NEMF: variants seen among roughly 807,000 people sequenced by gnomAD.
The protein encoded by NEMF is ribosome quality control complex subunit NEMF.
NEMF carries 89 observed loss-of-function variants against 162.2 expected under a neutral mutation model. That is an observed-to-expected ratio of 0.55 (90% CI 0.46 to 0.65). The LOEUF (loss-of-function observed/expected upper bound fraction) is 0.65, where lower values mean the gene tolerates loss of function less well. Ranked by LOEUF, NEMF falls within the 30% of genes least tolerant of loss-of-function variation. The pLI is 0.00. For synonymous variants in NEMF, 421 were observed against 404.5 expected (o/e 1.04, Z -0.49); for missense variants, 1,133 against 1,261.9 (o/e 0.90, Z 1.55).
chr14:49,845,420 G>A (rs146325675), intron 4 of NEMF, among the ~76,000 whole-genome samples: 3 of 152,202 alleles, frequency 2.0e-5, no homozygotes, highest in East Asian at 3.9e-4. Context: ...GAGTCATTGC[G>A]CTCAGCCAAA....
At chr14:49,845,381 T>C (rs1893449139) in intron 4 of NEMF, among the ~76,000 whole-genome samples, 1 of 152,218 alleles carries the variant, frequency 6.6e-6, no homozygotes, top group Admixed American at 6.5e-5. Flanking sequence ...AATGCTAGGA[T>C]TACAGGTGTG....
intron 4 of NEMF, among the ~76,000 whole-genome samples, chr14:49,844,023 C>T (rs933906254): frequency 1.3e-5 from 2 of 150,924 alleles, no homozygotes; most frequent in African/African-American, 2.4e-5. Flanking sequence ...TGCTTGAACC[C>T]GGGAGGCAGA....
In NEMF at chr14:49,852,757, G is replaced by T. The variant is rs1850539625; in HGVS notation, c.-4C>A. On this transcript the variant is annotated 5_prime_UTR_variant, in exon 1 of 33. Coordinates refer to ENST00000298310, the MANE Select transcript of NEMF (RefSeq NM_004713.6). ...TGGTGCTAAAGCGGCTCTTCATGGC[G>T]AGGCCCGAGGGTCACTACCGCAAGT... 1 of 1,614,182 alleles carries T rather than the reference G, an allele frequency of 6.2e-7. No homozygotes were observed. Among genetic ancestry groups the T allele is most frequent in the Non-Finnish European group, 8.5e-7 (1 of 1,180,022 alleles).
chr14:49,802,174 T>C (rs753469481), intron 22 of NEMF, among the ~76,000 whole-genome samples: 7 of 151,918 alleles, frequency 4.6e-5, no homozygotes, highest in South Asian at 4.2e-4. Flanking sequence ...CTCAAACTCC[T>C]GAGCTCTAGC....
At chr14:49,830,144 G>C (rs1892566784) in intron 11 of NEMF, among the ~76,000 whole-genome samples, 1 of 152,122 alleles carries the variant, frequency 6.6e-6, no homozygotes, top group Non-Finnish European at 1.5e-5. Context: ...TTAAATGCTA[G>C]ATGAAATATT....
chr14:49,851,736 G>A, intron 2 of NEMF, 71 bp from the exon 3 acceptor site: 1 of 1,473,706 alleles, frequency 6.8e-7, no homozygotes, highest in Non-Finnish European at 9.4e-7. Context: ...GGCTTAAAAT[G>A]TAGGTTAAAA....
chr14:49,824,673 C>G (rs1253977600), intron 16 of NEMF, among the ~76,000 whole-genome samples: 4 of 151,982 alleles, frequency 2.6e-5, no homozygotes, highest in African/African-American at 9.7e-5. Flanking sequence ...AAGAGGTCCA[C>G]CCACCTCACC....
At chr14:49,833,864 C>A (rs1321966585) in intron 7 of NEMF, among the ~76,000 whole-genome samples, 1 of 152,182 alleles carries the variant, frequency 6.6e-6, no homozygotes, top group Non-Finnish European at 1.5e-5. Flanking sequence ...AAGGGTTACA[C>A]AGACAGTAAT....
intron 5 of NEMF, 117 bp from the exon 6 acceptor site, chr14:49,838,323 G>GT: frequency 1.3e-6 from 1 of 751,016 alleles, no homozygotes; most frequent in Non-Finnish European, 2.2e-6. Flanking sequence ...AATCTGAAAC[G>GT]TAACAGGAAT....
At chr14:49,793,845 G>GT (rs1323414485) in intron 26 of NEMF, among the ~76,000 whole-genome samples, 1 of 151,638 alleles carries the variant, frequency 6.6e-6, no homozygotes, top group African/African-American at 2.4e-5. Context: ...TGACAATGTA[G>GT]TATCTATTAA....
chr14:49,798,006 G>A lies in NEMF; in HGVS notation c.2465+1469C>T, dbSNP rs1890771375. 3.9e-5 allele frequency among the ~76,000 whole-genome samples: 6 copies of A among 152,174 alleles called. No individual in the cohort carries two copies. In the South Asian group the frequency reaches 1.2e-3, roughly 32 times the overall value. On this transcript the variant is annotated intron_variant, in intron 25 of 32. Transcript: ENST00000298310. ...TGGTGTGTGTAAATTATCCCAGCAT[G>A]AATGAGTGCAGGTATGTGTGCCCTG...
At chr14:49,791,498 G>T (rs1293087592) in intron 26 of NEMF, among the ~76,000 whole-genome samples, 1 of 151,844 alleles carries the variant, frequency 6.6e-6, no homozygotes, top group Admixed American at 6.6e-5. Context: ...CAGCACTTTG[G>T]GAGGCCGAGG....
intron 18 of NEMF, among the ~76,000 whole-genome samples, chr14:49,810,297 G>A (rs564405284): frequency 6.6e-6 from 1 of 151,486 alleles, no homozygotes; most frequent in Non-Finnish European, 1.5e-5. Context: ...GAACCCAGGA[G>A]GCAGAGCTTG....
intron 11 of NEMF, 67 bp downstream of exon 11, chr14:49,831,232 C>G: frequency 1.2e-6 from 1 of 843,500 alleles, no homozygotes; most frequent in Non-Finnish European, 2.0e-6. Context: ...CTACCCTTTC[C>G]TATATCATCT....
chr14:49,807,888 G>C lies in NEMF; in HGVS notation c.1745-1755C>G, dbSNP rs182571170. ...CAAAGTGCTGGGATTACATGCATGA[G>C]CCACAGCGCCTGACTGGTATCTTGT... On this transcript the variant is annotated intron_variant, in intron 18 of 32. Transcript: ENST00000298310. Among the ~76,000 whole-genome samples, 343 of 152,134 alleles carry C rather than the reference G, an allele frequency of 2.3e-3. 4 individuals are homozygous for C. The highest frequency in any genetic ancestry group is 7.8e-3 in the African/African-American group (322 of 41,500).
chr14:49,813,788 G>A (rs1015728567), intron 18 of NEMF, among the ~76,000 whole-genome samples, 200 bp downstream of exon 18: 2 of 151,816 alleles, frequency 1.3e-5, no homozygotes, highest in African/African-American at 4.8e-5. Context: ...AATTTTTCTA[G>A]AGATGAGGTT....
chr14:49,826,690 A>T (rs905233549), intron 15 of NEMF, among the ~76,000 whole-genome samples: 1 of 152,192 alleles, frequency 6.6e-6, no homozygotes, highest in Admixed American at 6.6e-5. Flanking sequence ...TGTGCCAGGC[A>T]ATATTCCAGG....
chr14:49,798,055 G>C lies in NEMF; in HGVS notation c.2465+1420C>G, dbSNP rs529302867. Among the ~76,000 whole-genome samples, 3 of 152,324 alleles carry C rather than the reference G, an allele frequency of 2.0e-5. No homozygotes were observed. The South Asian group carries it at 6.2e-4, about 32-fold the overall frequency. On this transcript the variant is annotated intron_variant, in intron 25 of 32. Transcript: ENST00000298310. ...TGCAACAGAATGACATCCTGTTCTA[G>C]GTTGGTTCTGGCCTTTTGCCCTGAC...
Position 49,789,126 on chromosome 14 carries a change from A to G in NEMF, c.2895+20T>C. On this transcript the variant is annotated intron_variant, in intron 28 of 32. Transcript: ENST00000298310. ...GTAATCACCCTAATTAAGAAGCAGA[A>G]GCCCACAAAGTAGCCATACCTTGTC... The G allele has an allele frequency of 2.5e-6, 4 of 1,604,908 alleles. No individual in the cohort carries two copies. Among genetic ancestry groups the G allele is most frequent in the Non-Finnish European group, 3.4e-6 (4 of 1,172,316 alleles).
Sources: allele counts gnomAD v4.1 joint callset (sites outside exome capture counted in the v4.1 genomes callset), GRCh38; gene constraint gnomAD v4.1.1; transcripts MANE v1.5; gene names NCBI Gene and HGNC (gene_info 2026-07-23, HGNC 2026-07-21).